The following ELAVL2 variants were observed in gnomAD, a reference collection of about 807,000 sequenced individuals.
The protein encoded by ELAVL2 is ELAV-like protein 2.
In ELAVL2, 4 loss-of-function variants were observed where a neutral mutation model predicts 34.6. The observed-to-expected ratio is 0.12, with a 90% CI of 0.06 to 0.26. The LOEUF (loss-of-function observed/expected upper bound fraction) is 0.26. Among genes scored for constraint, ELAVL2 ranks in the 10% least tolerant of loss-of-function variants. ELAVL2 has a pLI of 1.00. For missense variants in ELAVL2, 432 were observed against 442.8 expected (o/e 0.98, Z 0.22); for synonymous variants, 193 against 154.8 (o/e 1.25, Z -1.83).
chr9:23,820,786 C>G (rs1437696974), intron 1 of ELAVL2, among the ~76,000 whole-genome samples: 2 of 152,236 alleles, frequency 1.3e-5, no homozygotes, highest in East Asian at 3.9e-4. Context: ...GCTGGAGGAG[C>G]AGCTGCCGCA....
chr9:23,691,210 T>G lies in ELAVL2; in HGVS notation c.*1347A>C, dbSNP rs1244527804. The G allele has an allele frequency of 6.6e-6, 1 of 152,376 alleles. No homozygotes were observed. The allele number at this position is 152,376 out of a possible 1,614,324, so 9.4% of individuals were successfully genotyped here. ...TAATGCCATTTACAAAGGAAAAAAC[T>G]GATACAAAAACATTCAAAACCTGAA... On this transcript the variant is annotated 3_prime_UTR_variant, in exon 7 of 7. Coordinates refer to ENST00000397312, the MANE Select transcript of ELAVL2 (RefSeq NM_004432.5).
At chr9:23,762,292 C>T in intron 1 of ELAVL2, 43 bp from the exon 2 acceptor site, 1 of 1,604,024 alleles carries the variant, frequency 6.2e-7, no homozygotes. Context: ...TCATATTTCA[C>T]AACCTATTAG....
the ELAVL2 span, among the ~76,000 whole-genome samples, chr9:23,842,063 T>C: frequency 2.6e-5 from 4 of 152,094 alleles, no homozygotes; most frequent in Non-Finnish European, 4.4e-5. Context: ...CTACAGAAAA[T>C]GCAGAACCTT....
At chr9:23,699,735 G>A (rs1854443) in intron 5 of ELAVL2, among the ~76,000 whole-genome samples, 32,785 of 148,570 alleles carry the variant, frequency 0.22, 3,864 homozygotes, top group South Asian at 0.43. Context: ...TCTCCACAAA[G>A]GCAAGCATCA....
At chr9:23,771,865 A>C (rs1009417291) in intron 1 of ELAVL2, among the ~76,000 whole-genome samples, 1 of 152,190 alleles carries the variant, frequency 6.6e-6, no homozygotes, top group African/African-American at 2.4e-5. Context: ...TTAAGCCATG[A>C]GATAACTCTG....
At chr9:23,800,745 C>G (rs1450313487) in intron 1 of ELAVL2, among the ~76,000 whole-genome samples, 1 of 152,080 alleles carries the variant, frequency 6.6e-6, no homozygotes, top group African/African-American at 2.4e-5. Context: ...TAAAACTAAA[C>G]TTTAAATTTA....
chr9:23,764,877 A>G, intron 1 of ELAVL2: 3 of 894,770 alleles, frequency 3.4e-6, no homozygotes, highest in Non-Finnish European at 5.2e-6. Context: ...AATGATGGCC[A>G]TACCACAATA....
chr9:23,783,526 A>G, intron 1 of ELAVL2: 1 of 985,290 alleles, frequency 1.0e-6, no homozygotes, highest in Non-Finnish European at 1.2e-6. Flanking sequence ...TTGGAGATGG[A>G]GCTTTCAAAT....
At position 23,762,343 on chromosome 9, in the gene ELAVL2, A is replaced by G. The variant is rs538972886; in HGVS notation, c.-15-94T>C. On this transcript the variant is annotated intron_variant, in intron 1 of 6. Coordinates refer to ENST00000397312, the MANE Select transcript of ELAVL2 (RefSeq NM_004432.5). ...ATTTAAACACTTGTCACTAAACACA[A>G]GTCGTTCTAATGAAATTACAACAAT... 2.0e-6 allele frequency: 3 copies of G among 1,490,042 alleles called. No homozygotes were observed. In the East Asian group the frequency reaches 6.8e-5, roughly 34 times the overall value. The allele number at this position is 1,490,042 out of a possible 1,614,324, so 92.3% of individuals were successfully genotyped here. A position where few individuals can be genotyped will look rare whatever the true frequency, so the allele number is the denominator to read the frequency against.
intron 1 of ELAVL2, among the ~76,000 whole-genome samples, chr9:23,781,926 C>G (rs546095909): frequency 6.6e-6 from 1 of 152,078 alleles, no homozygotes; most frequent in African/African-American, 2.4e-5. Context: ...CCTCGTGAGC[C>G]GCCCGCCTCG....
intron 3 of ELAVL2, among the ~76,000 whole-genome samples, chr9:23,709,007 A>G (rs1364548453): frequency 6.6e-6 from 1 of 152,198 alleles, no homozygotes. Context: ...TTAACCAAAG[A>G]AACTACACAT....
intron 1 of ELAVL2, among the ~76,000 whole-genome samples, chr9:23,811,840 T>C (rs972470302): frequency 2.0e-5 from 3 of 152,116 alleles, no homozygotes; most frequent in African/African-American, 4.8e-5. Context: ...GAAATACTTT[T>C]CACCTGTGAC....
At chr9:23,741,285 C>G (rs901912781) in intron 2 of ELAVL2, among the ~76,000 whole-genome samples, 1 of 152,092 alleles carries the variant, frequency 6.6e-6, no homozygotes, top group Non-Finnish European at 1.5e-5. Flanking sequence ...CAAACCGACC[C>G]CCCATCCTGG....
At chr9:23,695,443 G>A (rs1587187703) in intron 5 of ELAVL2, among the ~76,000 whole-genome samples, 1 of 152,062 alleles carries the variant, frequency 6.6e-6, no homozygotes, top group South Asian at 2.1e-4. Flanking sequence ...AGAGACAGAT[G>A]AGTTTTCAGA....
chr9:23,735,591 T>G (rs2047688456), intron 2 of ELAVL2: 1 of 152,240 alleles, frequency 6.6e-6, no homozygotes, highest in South Asian at 2.1e-4. Flanking sequence ...AAGTCTTGAT[T>G]TTAATGGCCT....
At chr9:23,797,839 AATCT>A (rs1315027842) in intron 1 of ELAVL2, among the ~76,000 whole-genome samples, 1 of 152,192 alleles carries the variant, frequency 6.6e-6, no homozygotes, top group African/African-American at 2.4e-5. Context: ...GAGGCAGGAG[AATCT>A]CTTGAACCTG....
chr9:23,731,349 A>AAC (rs1554691639), intron 2 of ELAVL2, among the ~76,000 whole-genome samples: 1 of 151,924 alleles, frequency 6.6e-6, no homozygotes, highest in African/African-American at 2.4e-5. Flanking sequence ...GGAAAAAAAA[A>AAC]ACACACATCC....
intron 3 of ELAVL2, among the ~76,000 whole-genome samples, chr9:23,717,680 A>G (rs890769525): frequency 1.2e-4 from 19 of 152,160 alleles, no homozygotes; most frequent in African/African-American, 4.6e-4. Context: ...AGCAAGTGGC[A>G]TATCCATTTT....
At chr9:23,719,679 G>C (rs2043170465) in intron 3 of ELAVL2, among the ~76,000 whole-genome samples, 1 of 152,082 alleles carries the variant, frequency 6.6e-6, no homozygotes, top group Non-Finnish European at 1.5e-5. Context: ...AAAATGTGTG[G>C]AAGCTCTTAT....
Sources: gnomAD v4.1 joint callset for allele counts (sites outside exome capture counted in the v4.1 genomes callset) on GRCh38, gnomAD v4.1.1 for gene constraint, MANE v1.5 for transcripts, NCBI Gene and HGNC (gene_info 2026-07-23, HGNC 2026-07-21) for gene names.